APOL5: variants seen among roughly 807,000 people sequenced by gnomAD.
APOL5 encodes the protein apolipoprotein L, 5.
In APOL5, 29 loss-of-function variants were observed where a neutral mutation model predicts 35.5. The ratio of observed to expected loss-of-function variants is 0.82; its 90% confidence interval spans 0.61 to 1.11. The LOEUF is 1.11. APOL5 is among the 50% of genes most tolerant of loss of function. The probability of loss-of-function intolerance (pLI) is 0.00; values close to 1 mark genes in which losing one functional copy is unlikely to be tolerated. For synonymous variants in APOL5, 188 were observed against 200.2 expected (o/e 0.94, Z 0.51); for missense variants, 514 against 530.4 (o/e 0.97, Z 0.30).
chr22:35,729,048 C>A, intron 4 of APOL5, 144 bp downstream of exon 4: 1 of 900,196 alleles, frequency 1.1e-6, no homozygotes. Context: ...GGCCACCTGC[C>A]ACGCCACCTG....
chr22:35,725,122 G>A (rs944417414), intron 2 of APOL5, among the ~76,000 whole-genome samples: 1 of 152,108 alleles, frequency 6.6e-6, no homozygotes, highest in African/African-American at 2.4e-5. Context: ...TTTGCCCTCT[G>A]CCCAGATAGA....
At chr22:35,717,429 C>G (rs1265728637), upstream of APOL5, among the ~76,000 whole-genome samples, 2 of 146,778 alleles carry the variant, frequency 1.4e-5, no homozygotes, top group Non-Finnish European at 3.0e-5. Context: ...AAGAAAGATA[C>G]CCTAAATCAT....
intron 2 of APOL5, among the ~76,000 whole-genome samples, chr22:35,725,276 TG>T (rs896340839): frequency 2.0e-5 from 3 of 152,136 alleles, no homozygotes; most frequent in Non-Finnish European, 4.4e-5. Context: ...TTTTTTGTTT[TG>T]TTTTTTTAGA....
intron 3 of APOL5, among the ~76,000 whole-genome samples, chr22:35,727,886 G>GCA (rs1020885121): frequency 6.6e-6 from 1 of 152,204 alleles, no homozygotes; most frequent in African/African-American, 2.4e-5. Flanking sequence ...ACTGAAACAA[G>GCA]AAAACTGCTA....
chr22:35,722,597 G>A (rs376401938), intron 2 of APOL5, among the ~76,000 whole-genome samples: 2 of 152,092 alleles, frequency 1.3e-5, no homozygotes, highest in Non-Finnish European at 2.9e-5. Flanking sequence ...CACTGCGCCC[G>A]GCCCTAGGTT....
chr22:35,724,039 G>A (rs916190861), intron 2 of APOL5, among the ~76,000 whole-genome samples: 1 of 152,186 alleles, frequency 6.6e-6, no homozygotes, highest in Non-Finnish European at 1.5e-5. Flanking sequence ...TCCCGTGGAA[G>A]GGGGATTTGT....
intron 2 of APOL5, among the ~76,000 whole-genome samples, chr22:35,723,528 G>A (rs1927044345): frequency 6.6e-6 from 1 of 152,252 alleles, no homozygotes; most frequent in Admixed American, 6.5e-5. Flanking sequence ...AAAAGTTTGA[G>A]TGGAGAGGAT....
chr22:35,712,161 T>C, the APOL5 span, among the ~76,000 whole-genome samples: 10 of 152,030 alleles, frequency 6.6e-5, no homozygotes, highest in African/African-American at 2.2e-4. Flanking sequence ...ATGTGCATCA[T>C]ACCTGGCTAA....
chr22:35,728,734 C>T lies in APOL5; in HGVS notation c.1138C>T (p.Pro380Ser). ...CTCATGTTCCACAGGGTCTCGCTCA[C>T]CTCTCCCCTGGCCTGTTGTGGAGCA... ...RVVKPEGSRSPLPWPVVEHQP... is the reference protein window; with the variant it reads ...RVVKPEGSRSSLPWPVVEHQP... The change falls in exon 4 of 5, where the codon CCT becomes TCT. Residue 380 changes from proline to serine, a missense_variant. By Grantham distance (74) the Pro-to-Ser change is moderately conservative. This residue lies in a region of APOL5 where 238 missense variants were observed against 229.1 expected (regional missense o/e 1.04). Coordinates refer to ENST00000249044, the MANE Select transcript of APOL5 (RefSeq NM_030642.1). 1 of 1,612,398 alleles carries T rather than the reference C, an allele frequency of 6.2e-7. No individual in the cohort carries two copies. The highest frequency in any genetic ancestry group is 8.5e-7 in the Non-Finnish European group (1 of 1,179,300).
At chr22:35,727,304 C>A in intron 3 of APOL5, 110 bp downstream of exon 3, 1 of 1,458,708 alleles carries the variant, frequency 6.9e-7, no homozygotes. Context: ...ACTACAGCTG[C>A]CCCTTCTGCA....
Position 35,728,758 on chromosome 22 carries a change from C to T in APOL5, c.1162C>T (p.His388Tyr). 1 of 1,613,398 alleles carries T rather than the reference C, an allele frequency of 6.2e-7. No individual in the cohort carries two copies. The highest frequency in any genetic ancestry group is 8.5e-7 in the Non-Finnish European group (1 of 1,179,740). ...RSPLPWPVVEHQPRLGPGVAL... is the reference protein window; with the variant it reads ...RSPLPWPVVEYQPRLGPGVAL... Reference sequence around the variant, plus strand: ...ACCTCTCCCCTGGCCTGTTGTGGAGCACCAGCCTAGGCTGGGCCCTGGCGT... The same window carrying T: ...ACCTCTCCCCTGGCCTGTTGTGGAGTACCAGCCTAGGCTGGGCCCTGGCGT... The change falls in exon 4 of 5, where the codon CAC becomes TAC. Residue 388 changes from histidine (H) to tyrosine (Y), a missense_variant. By Grantham distance (83) the His-to-Tyr change is moderately conservative. Transcript: ENST00000249044.
intron 2 of APOL5, among the ~76,000 whole-genome samples, chr22:35,724,286 CAAA>C (rs111417764): frequency 7.2e-5 from 8 of 111,184 alleles, no homozygotes; most frequent in Middle Eastern, 4.3e-3. Context: ...AGCCCTGTCT[CAAA>C]AAAAAAAAAA....
At chr22:35,708,807 C>T in the APOL5 span, among the ~76,000 whole-genome samples, 2 of 152,302 alleles carry the variant, frequency 1.3e-5, no homozygotes, top group South Asian at 4.1e-4. Flanking sequence ...TCAAAACTGC[C>T]TCAGCTCATC....
chr22:35,727,042 C>T lies in APOL5; in HGVS notation c.974C>T (p.Thr325Ile), dbSNP rs778849382. 5.0e-6 allele frequency: 8 copies of T among 1,613,868 alleles called. No individual in the cohort carries two copies. The highest frequency in any genetic ancestry group is 2.2e-5 in the South Asian group (2 of 91,082). ...CTGGAGGATGGGGCAAGGACGGAGA[C>T]AGCAGAGGAACTGAGAGCACTTGCT... Reference protein sequence around the residue: ...KHLEDGARTETAEELRALAKK... With the variant: ...KHLEDGARTEIAEELRALAKK... The change falls in exon 3 of 5, where the codon ACA (threonine) becomes ATA (isoleucine). Residue 325 changes from threonine (T) to isoleucine (I), a missense_variant. Physicochemically the swap from Thr to Ile is moderately conservative, Grantham distance 89. Coordinates refer to ENST00000249044, the MANE Select transcript of APOL5 (RefSeq NM_030642.1).
Position 35,728,735 on chromosome 22 carries a change from C to T in APOL5, c.1139C>T (p.Pro380Leu). The change falls in exon 4 of 5, where the codon CCT becomes CTT. Residue 380 changes from proline (P) to leucine (L), a missense_variant. This residue lies in a region of APOL5 where 238 missense variants were observed against 229.1 expected (regional missense o/e 1.04). Coordinates refer to ENST00000249044, the MANE Select transcript of APOL5 (RefSeq NM_030642.1). ...TCATGTTCCACAGGGTCTCGCTCAC[C>T]TCTCCCCTGGCCTGTTGTGGAGCAC... ...RVVKPEGSRS[P>L]LPWPVVEHQP... 6.2e-7 allele frequency: 1 copy of T among 1,612,400 alleles called. No individual in the cohort carries two copies. The highest frequency in any genetic ancestry group is 2.2e-5 in the East Asian group (1 of 44,716).
At chr22:35,714,251 G>A (rs1926674052), upstream of APOL5, among the ~76,000 whole-genome samples, 1 of 152,202 alleles carries the variant, frequency 6.6e-6, no homozygotes, top group African/African-American at 2.4e-5. Flanking sequence ...GGCGGAGGTT[G>A]CAGTGAGCTG....
chr22:35,719,012 T>TC (rs1173927012), intron 1 of APOL5, among the ~76,000 whole-genome samples: 1 of 148,846 alleles, frequency 6.7e-6, no homozygotes, highest in Non-Finnish European at 1.5e-5. Flanking sequence ...TGAGCCGAGA[T>TC]CGCACCACTG....
At chr22:35,727,614 C>T (rs1293188228) in intron 3 of APOL5, among the ~76,000 whole-genome samples, 2 of 152,058 alleles carry the variant, frequency 1.3e-5, no homozygotes, top group Non-Finnish European at 2.9e-5. Flanking sequence ...TGGGTAGAGG[C>T]CACAAGATCA....
chr22:35,714,739 T>C (rs1926691527), upstream of APOL5, among the ~76,000 whole-genome samples: 1 of 152,168 alleles, frequency 6.6e-6, no homozygotes, highest in African/African-American at 2.4e-5. Flanking sequence ...ATAAATGAAC[T>C]GGGGCCAGTG....
Sources: gnomAD v4.1 joint callset for allele counts (sites outside exome capture counted in the v4.1 genomes callset) on GRCh38, gnomAD v4.1.1 for gene constraint, gnomAD v4.1.1 regional missense constraint, MANE v1.5 for transcripts, NCBI Gene and HGNC (gene_info 2026-07-23, HGNC 2026-07-21) for gene names.